HSD17B4: variants seen among roughly 807,000 people sequenced by gnomAD.
HSD17B4 encodes peroxisomal multifunctional enzyme type 2.
HSD17B4 carries 70 observed loss-of-function variants against 101.0 expected under a neutral mutation model. That is an observed-to-expected ratio of 0.69 (90% CI 0.57 to 0.85). HSD17B4 has a LOEUF of 0.85. Ranked by LOEUF, HSD17B4 falls within the 40% of genes least tolerant of loss-of-function variation. The probability of loss-of-function intolerance (pLI) is 0.00; values close to 1 mark genes in which losing one functional copy is unlikely to be tolerated. For synonymous variants in HSD17B4, 347 were observed against 297.1 expected (o/e 1.17, Z -1.73); for missense variants, 984 against 892.4 (o/e 1.10, Z -1.31).
intron 2 of HSD17B4, among the ~76,000 whole-genome samples, chr5:119,466,319 T>C (rs746151046): frequency 6.6e-6 from 1 of 152,196 alleles, no homozygotes; most frequent in Non-Finnish European, 1.5e-5. Context: ...GCCCACCTCA[T>C]AGAATGAGTT....
chr5:119,498,821 A>AGT (rs1750886345), intron 12 of HSD17B4, among the ~76,000 whole-genome samples: 1 of 152,356 alleles, frequency 6.6e-6, no homozygotes, highest in South Asian at 2.1e-4. Context: ...CAGAGGTTGC[A>AGT]GTGAGCCAAG....
At chr5:119,502,606 A>G (rs1244775893) in intron 14 of HSD17B4, among the ~76,000 whole-genome samples, 3 of 151,862 alleles carry the variant, frequency 2.0e-5, no homozygotes, top group African/African-American at 7.3e-5. Context: ...TTTTTTCACT[A>G]TAATTGGATA....
At chr5:119,527,241 C>T (rs1753685861) in intron 20 of HSD17B4, 22 bp downstream of exon 20, 8 of 1,294,210 alleles carry the variant, frequency 6.2e-6, no homozygotes, top group Non-Finnish European at 7.9e-6. Flanking sequence ...GCTTTTTCAC[C>T]CTTCTCACAT....
In HSD17B4 at chr5:119,525,966, C is replaced by G. The variant is rs1753557404; in HGVS notation, c.1623C>G (p.Ala541=). 1.2e-6 allele frequency: 2 copies of G among 1,611,866 alleles called. No homozygotes were observed. The highest frequency in any genetic ancestry group is 1.3e-5 in the African/African-American group (1 of 74,774). ...LHGLCTFGFS[A]RRVLQQFADN... is the part of the protein sequence containing the mutation. Reference sequence around the variant, plus strand: ...GATTATGTACATTTGGATTTTCTGCCAGGCGTGTGTTACAGCAGTTTGCAG... The same window carrying G: ...GATTATGTACATTTGGATTTTCTGCGAGGCGTGTGTTACAGCAGTTTGCAG... The change falls in exon 19 of 24, where the codon GCC becomes GCG. Residue 541 remains alanine (A), a synonymous_variant. Coordinates refer to ENST00000510025, the MANE Select transcript of HSD17B4 (RefSeq NM_000414.4).
intron 2 of HSD17B4, among the ~76,000 whole-genome samples, chr5:119,461,624 G>A (rs1755246161): frequency 6.6e-6 from 1 of 151,280 alleles, no homozygotes; most frequent in Non-Finnish European, 1.5e-5. Context: ...GCTCACGCCT[G>A]TAATCCCAAC....
intron 14 of HSD17B4, among the ~76,000 whole-genome samples, chr5:119,505,923 A>C (rs1751605053): frequency 6.6e-6 from 1 of 152,110 alleles, no homozygotes; most frequent in Non-Finnish European, 1.5e-5. Context: ...AAAAAAATCT[A>C]ATGTATCAAA....
At chr5:119,523,235 C>A (rs976887317) in intron 17 of HSD17B4, among the ~76,000 whole-genome samples, 2 of 151,956 alleles carry the variant, frequency 1.3e-5, no homozygotes, top group African/African-American at 2.4e-5. Context: ...TTTAAAAAAT[C>A]AAATTAAGGA....
At chr5:119,494,087 G>T in intron 11 of HSD17B4, 141 bp downstream of exon 11, 1 of 778,138 alleles carries the variant, frequency 1.3e-6, no homozygotes, top group South Asian at 1.5e-5. Context: ...GCTCTAGTAG[G>T]TATTAGAATT....
intron 23 of HSD17B4, among the ~76,000 whole-genome samples, chr5:119,538,013 C>T (rs556355875): frequency 3.9e-5 from 6 of 152,206 alleles, no homozygotes; most frequent in Non-Finnish European, 8.8e-5. Context: ...AAAGGCCTGC[C>T]GTGCGAGGAA....
At chr5:119,489,106 G>A (rs1749862943) in intron 8 of HSD17B4, 86 bp from the exon 9 acceptor site, 6 of 901,600 alleles carry the variant, frequency 6.7e-6, no homozygotes, top group East Asian at 2.6e-5. Context: ...TATTTTAAAG[G>A]TCTCTGAATT....
At position 119,493,823 on chromosome 5, in the gene HSD17B4, T is replaced by C. The variant is rs1190472952; in HGVS notation, c.745T>C (p.Trp249Arg). Residue 249 changes from tryptophan (W) to arginine (R), a missense_variant, in exon 11 of 24, where the codon TGG becomes CGG. Transcript: ENST00000510025. The part of the protein sequence containing the change: ...VGAGWIGKLR[W>R]ERTLGAIVRQ... ...AGTTTTGTTTCTATAACCAGTACGCTGGGAGCGGACTCTTGGAGCTATTGT... is the reference window on the plus strand; with the variant it reads ...AGTTTTGTTTCTATAACCAGTACGCCGGGAGCGGACTCTTGGAGCTATTGT... 1.2e-6 allele frequency: 2 copies of C among 1,613,050 alleles called. No individual in the cohort carries two copies. The highest frequency in any genetic ancestry group is 2.2e-5 in the East Asian group (1 of 44,858).
In HSD17B4 at chr5:119,507,527, T is replaced by A. The variant is rs531653887; in HGVS notation, c.1333+638T>A. Among the ~76,000 whole-genome samples the A allele has an allele frequency of 6.6e-5, 10 of 152,260 alleles. No individual in the cohort carries two copies. The South Asian group carries it at 2.1e-3, about 32-fold the overall frequency. Reference sequence around the variant, plus strand: ...CGCTGGGTGCGGTGGCTCACGCCTGTAATCCTAGCACTTTGGGAGGCTGAG... The same window carrying A: ...CGCTGGGTGCGGTGGCTCACGCCTGAAATCCTAGCACTTTGGGAGGCTGAG... On this transcript the variant is annotated intron_variant, in intron 15 of 23. Transcript: ENST00000510025.
intron 8 of HSD17B4, among the ~76,000 whole-genome samples, chr5:119,488,099 T>G (rs1749769487): frequency 1.3e-5 from 2 of 152,204 alleles, no homozygotes; most frequent in African/African-American, 4.8e-5. Flanking sequence ...ATTTGATCTT[T>G]TAGATAAAAT....
At chr5:119,477,086 G>A (rs934706828) in intron 6 of HSD17B4, among the ~76,000 whole-genome samples, 17 of 152,138 alleles carry the variant, frequency 1.1e-4, no homozygotes, top group African/African-American at 4.1e-4. Flanking sequence ...TTGGGTGCCA[G>A]TTATATTTAT....
chr5:119,495,979 C>T (rs531973115), intron 11 of HSD17B4, among the ~76,000 whole-genome samples: 5 of 152,154 alleles, frequency 3.3e-5, no homozygotes, highest in South Asian at 2.1e-4. Context: ...CCATGAGCCT[C>T]CTTTATTAAC....
At chr5:119,469,452 C>G (rs1363584623) in intron 2 of HSD17B4, among the ~76,000 whole-genome samples, 1 of 152,116 alleles carries the variant, frequency 6.6e-6, no homozygotes, top group Non-Finnish European at 1.5e-5. Flanking sequence ...CCTCCTGGTT[C>G]AAGCAATTCT....
intron 15 of HSD17B4, among the ~76,000 whole-genome samples, chr5:119,508,863 A>T (rs1296812209): frequency 1.3e-5 from 2 of 152,234 alleles, no homozygotes; most frequent in Non-Finnish European, 2.9e-5. Flanking sequence ...GGATCTGAAT[A>T]GCAGTTGGAG....
rs191570216 is a variant in HSD17B4 at position 119,488,903 on chromosome 5, A to G, written c.623-289A>G. Among the ~76,000 whole-genome samples, 331 of 152,222 alleles carry G rather than the reference A, an allele frequency of 2.2e-3. 1 individual carries two copies. Among genetic ancestry groups the G allele is most frequent in the African/African-American group, 7.4e-3 (309 of 41,554 alleles). On this transcript the variant is annotated intron_variant, in intron 8 of 23. Coordinates refer to ENST00000510025, the MANE Select transcript of HSD17B4 (RefSeq NM_000414.4). ...ATGTTAAATACAGTTTTGCTCACCA[A>G]TCTTTGTCTAGGCAGTTCTAACTTT...
chr5:119,473,240 TTTTTC>T (rs1029691095), intron 2 of HSD17B4, among the ~76,000 whole-genome samples: 9 of 151,914 alleles, frequency 5.9e-5, no homozygotes, highest in South Asian at 4.1e-4. Flanking sequence ...ATTTTCACAT[TTTTTC>T]TTTTCTTTTG....
Sources: gnomAD v4.1 joint callset for allele counts (sites outside exome capture counted in the v4.1 genomes callset) on GRCh38, gnomAD v4.1.1 for gene constraint, MANE v1.5 for transcripts, NCBI Gene and HGNC (gene_info 2026-07-23, HGNC 2026-07-21) for gene names.